Variants in DACH2 observed in about 807,000 individuals in gnomAD.
The protein encoded by DACH2 is dachshund homolog 2.
In DACH2, 17 loss-of-function variants were observed where a neutral mutation model predicts 35.8. That is an observed-to-expected ratio of 0.48 (90% CI 0.33 to 0.71). The LOEUF (loss-of-function observed/expected upper bound fraction) is 0.71, where lower values mean the gene tolerates loss of function less well. Ranked by LOEUF, DACH2 falls within the 30% of genes least tolerant of loss-of-function variation. The probability of loss-of-function intolerance (pLI) is 0.02; values close to 1 mark genes in which losing one functional copy is unlikely to be tolerated. For synonymous variants in DACH2, 195 were observed against 177.3 expected (o/e 1.10, Z -0.79); for missense variants, 469 against 472.7 (o/e 0.99, Z 0.07).
At chrX:86,569,419 C>T (rs1049142519) in intron 3 of DACH2, among the ~76,000 whole-genome samples, 1 of 111,158 alleles carries the variant, frequency 9.0e-6, no homozygotes, top group African/African-American at 3.3e-5. Flanking sequence ...TTATCAAAAA[C>T]AAACTAACCA....
chrX:86,328,642 G>A (rs1037146383), intron 1 of DACH2, among the ~76,000 whole-genome samples: 24 of 111,728 alleles, frequency 2.1e-4, no homozygotes, highest in African/African-American at 7.1e-4. Context: ...CTGGGACTTC[G>A]TTTCAGCTTT....
At chrX:86,268,971 T>C (rs1400731441) in intron 1 of DACH2, among the ~76,000 whole-genome samples, 1 of 111,792 alleles carries the variant, frequency 8.9e-6, no homozygotes. Context: ...ATTTATCCTT[T>C]GTGTTACAGT....
intron 1 of DACH2, among the ~76,000 whole-genome samples, chrX:86,343,868 T>A (rs751113567): frequency 8.0e-4 from 89 of 110,903 alleles, no homozygotes; most frequent in Non-Finnish European, 1.4e-3. Context: ...TTTAAAAAAA[T>A]TTATCATTGG....
chrX:86,675,866 A>C (rs2040820482), intron 4 of DACH2, among the ~76,000 whole-genome samples: 1 of 111,694 alleles, frequency 9.0e-6, no homozygotes, highest in African/African-American at 3.3e-5. Context: ...ATTATAAACC[A>C]AGAGCCTCAG....
intron 3 of DACH2, among the ~76,000 whole-genome samples, chrX:86,524,415 C>A (rs999231427): frequency 8.9e-6 from 1 of 112,124 alleles, no homozygotes; most frequent in Non-Finnish European, 1.9e-5. Context: ...ATCATATAAA[C>A]AGCATATGGT....
intron 1 of DACH2, among the ~76,000 whole-genome samples, chrX:86,223,295 A>G (rs775499666): frequency 8.9e-6 from 1 of 111,969 alleles, no homozygotes; most frequent in Admixed American, 9.5e-5. Context: ...CATATGTAAT[A>G]TAATGTCTTT....
chrX:86,664,342 G>C (rs755218397), intron 4 of DACH2, among the ~76,000 whole-genome samples: 2 of 111,472 alleles, frequency 1.8e-5, no homozygotes, highest in African/African-American at 6.5e-5. Context: ...CAAATGTTTT[G>C]AGTGTAGAAC....
intron 1 of DACH2, among the ~76,000 whole-genome samples, chrX:86,212,599 T>TG (rs1417173004): frequency 9.0e-6 from 1 of 111,152 alleles, no homozygotes; most frequent in African/African-American, 3.3e-5. Context: ...TGCCTGCCTT[T>TG]TTGTCTGTAT....
At chrX:86,248,904 C>T (rs2033343111) in intron 1 of DACH2, among the ~76,000 whole-genome samples, 1 of 109,785 alleles carries the variant, frequency 9.1e-6, no homozygotes, top group Non-Finnish European at 1.9e-5. Context: ...TATTGCACAC[C>T]CATAACCATC....
intron 1 of DACH2, among the ~76,000 whole-genome samples, chrX:86,321,333 A>G (rs1401385619): frequency 6.3e-5 from 7 of 111,677 alleles, no homozygotes; most frequent in Non-Finnish European, 1.1e-4. Context: ...TCCTCCCAAT[A>G]TAGGGGGCTT....
At chrX:86,161,191 T>C in intron 1 of DACH2, 1 of 1,175,408 alleles carries the variant, frequency 8.5e-7, no homozygotes, top group Non-Finnish European at 1.1e-6. Context: ...GTGGAATCCA[T>C]TTTGTTAACA....
intron 3 of DACH2, among the ~76,000 whole-genome samples, chrX:86,543,128 T>G (rs2148300950): frequency 9.0e-6 from 1 of 110,917 alleles, no homozygotes; most frequent in African/African-American, 3.3e-5. Context: ...ACAGAAGGCA[T>G]TGAGAGTGGA....
intron 2 of DACH2, among the ~76,000 whole-genome samples, chrX:86,464,214 C>T (rs775773056): frequency 3.6e-5 from 4 of 111,341 alleles, no homozygotes; most frequent in South Asian, 3.8e-4. Context: ...TAAAGACACA[C>T]ACACACGTAT....
chrX:86,199,936 A>T (rs2032102678), intron 1 of DACH2, among the ~76,000 whole-genome samples: 1 of 112,207 alleles, frequency 8.9e-6, no homozygotes, highest in African/African-American at 3.2e-5. Context: ...ACAAAACTAG[A>T]AAAAAACTAT....
intron 2 of DACH2, among the ~76,000 whole-genome samples, chrX:86,400,851 G>A (rs1031512156): frequency 1.5e-4 from 17 of 112,342 alleles, no homozygotes; most frequent in African/African-American, 5.2e-4. Context: ...GAGGCAATCT[G>A]CCCTTTCTGA....
At chrX:86,731,299 A>G (rs1355649001) in intron 6 of DACH2, among the ~76,000 whole-genome samples, 2 of 111,557 alleles carry the variant, frequency 1.8e-5, no homozygotes, top group African/African-American at 6.5e-5. Context: ...TCAGGTTACC[A>G]ACAGCTTAAC....
chrX:86,150,215 C>T (rs192344896), intron 1 of DACH2, among the ~76,000 whole-genome samples: 173 of 112,215 alleles, frequency 1.5e-3, no homozygotes, highest in South Asian at 4.4e-3. Context: ...CAGGAAAGCA[C>T]AGATTTGGCA....
At chrX:86,274,639 T>A (rs1269765354) in intron 1 of DACH2, among the ~76,000 whole-genome samples, 2 of 107,513 alleles carry the variant, frequency 1.9e-5, no homozygotes, top group South Asian at 8.5e-4. Context: ...GGACTACAGG[T>A]GCCTGCCACC....
chrX:86,212,193 A>G (rs138339908), intron 1 of DACH2, among the ~76,000 whole-genome samples: 1,541 of 111,597 alleles, frequency 0.014, 23 homozygotes, highest in Non-Finnish European at 0.023. Context: ...AGGCAATGGC[A>G]CTGCAGTTTT....
Sources: gnomAD v4.1 joint callset for allele counts (sites outside exome capture counted in the v4.1 genomes callset) on GRCh38, gnomAD v4.1.1 for gene constraint, MANE v1.5 for transcripts, NCBI Gene and HGNC (gene_info 2026-07-23, HGNC 2026-07-21) for gene names.